PDE4D: variants seen among roughly 807,000 people sequenced by gnomAD.
PDE4D encodes the protein 3',5'-cyclic-AMP phosphodiesterase 4D.
Under a neutral mutation model 87.4 loss-of-function variants are expected in PDE4D, and 24 were observed. The ratio of observed to expected loss-of-function variants is 0.27; its 90% CI spans 0.20 to 0.39. The LOEUF is 0.39. PDE4D is among the 10% of genes least tolerant of loss of function. The pLI is 1.00. For missense variants in PDE4D, 714 were observed against 1,041.0 expected (o/e 0.69, Z 4.32); for synonymous variants, 384 against 383.2 (o/e 1.00, Z -0.02).
chr5:59,408,226 A>G (rs1276881529), intron 1 of PDE4D, among the ~76,000 whole-genome samples: 1 of 152,224 alleles, frequency 6.6e-6, no homozygotes, highest in African/African-American at 2.4e-5. Flanking sequence ...TGCTCCTTGC[A>G]TCATGGTCCA....
At chr5:60,283,247 A>G (rs1752109974) in intron 1 of PDE4D, among the ~76,000 whole-genome samples, 1 of 152,138 alleles carries the variant, frequency 6.6e-6, no homozygotes, top group African/African-American at 2.4e-5. Context: ...TATTAGAAGT[A>G]TTGCCCATCT....
chr5:59,931,406 C>G (rs1187818471), intron 3 of PDE4D, among the ~76,000 whole-genome samples: 1 of 152,158 alleles, frequency 6.6e-6, no homozygotes, highest in African/African-American at 2.4e-5. Context: ...ATACCTGAAA[C>G]TTTCTTACAG....
At chr5:60,187,543 A>G (rs554576596) in intron 1 of PDE4D, among the ~76,000 whole-genome samples, 4 of 152,342 alleles carry the variant, frequency 2.6e-5, no homozygotes, top group East Asian at 1.9e-4. Flanking sequence ...TAGTGACTCA[A>G]TGGTAACAAA....
chr5:60,418,694 G>A (rs1314049267), intron 1 of PDE4D, among the ~76,000 whole-genome samples: 1 of 151,968 alleles, frequency 6.6e-6, no homozygotes, highest in African/African-American at 2.4e-5. Context: ...AGAGAATGGA[G>A]TATCCATTCC....
intron 5 of PDE4D, among the ~76,000 whole-genome samples, chr5:59,098,253 A>G (rs897908540): frequency 6.6e-6 from 1 of 152,234 alleles, no homozygotes; most frequent in Non-Finnish European, 1.5e-5. Flanking sequence ...TTCCCAAGCT[A>G]GTTGGTAAGC....
chr5:60,373,250 G>A (rs374579257), intron 1 of PDE4D, among the ~76,000 whole-genome samples: 27 of 152,198 alleles, frequency 1.8e-4, no homozygotes, highest in African/African-American at 5.3e-4. Flanking sequence ...TTCAAAATGC[G>A]GGCATCTTTT....
At chr5:60,412,374 C>A (rs1411787647) in intron 1 of PDE4D, among the ~76,000 whole-genome samples, 2 of 152,078 alleles carry the variant, frequency 1.3e-5, no homozygotes. Flanking sequence ...ATAGAAAAAC[C>A]AGTCAATATC....
At chr5:59,620,638 G>T (rs1830242820) in intron 1 of PDE4D, among the ~76,000 whole-genome samples, 2 of 152,068 alleles carry the variant, frequency 1.3e-5, no homozygotes, top group Admixed American at 6.6e-5. Context: ...AGGGTGATTT[G>T]GTGGCTATAA....
At position 59,596,081 on chromosome 5, in the gene PDE4D, C is replaced by G. The variant is rs57903017; in HGVS notation, c.455+297087G>C. Among the ~76,000 whole-genome samples, 5 of 151,612 alleles carry G rather than the reference C, an allele frequency of 3.3e-5. No individual in the cohort carries two copies. In the South Asian group the frequency reaches 1.0e-3, roughly 31 times the overall value. On this transcript the variant is annotated intron_variant, in intron 1 of 14. Coordinates refer to ENST00000340635, the MANE Select transcript of PDE4D (RefSeq NM_001104631.2). ...AAGCTGGAAGAGGCTGCATCAGAGG[C>G]TGCAGGTAAAATGCCATTTAAAATC...
rs1311368606 is a variant in PDE4D at position 59,357,923 on chromosome 5, C to A, written c.456-141955G>T. Among the ~76,000 whole-genome samples the A allele has an allele frequency of 5.9e-5, 9 of 152,260 alleles. No homozygotes were observed. In the East Asian group the frequency reaches 1.5e-3, roughly 26 times the overall value. On this transcript the variant is annotated intron_variant, in intron 1 of 14. Transcript: ENST00000340635. ...AAACCAAGGGAGAGCGCCACTTCTT[C>A]AGGATAAGATTAGAGAGGCTTCAAG... is the stretch of plus-strand genomic sequence containing the variant.
intron 1 of PDE4D, among the ~76,000 whole-genome samples, chr5:60,317,370 T>C (rs962050317): frequency 6.6e-6 from 1 of 152,206 alleles, no homozygotes; most frequent in Non-Finnish European, 1.5e-5. Flanking sequence ...TATTTGATTC[T>C]TCTCTCTTTT....
chr5:59,453,284 C>A (rs942961464), intron 1 of PDE4D, among the ~76,000 whole-genome samples: 2 of 152,118 alleles, frequency 1.3e-5, no homozygotes, highest in Admixed American at 6.5e-5. Flanking sequence ...ATCCCTGAGA[C>A]ACAGCAATAT....
intron 5 of PDE4D, among the ~76,000 whole-genome samples, chr5:59,110,099 A>G (rs1268239475): frequency 2.0e-5 from 3 of 152,184 alleles, no homozygotes; most frequent in Admixed American, 6.5e-5. Context: ...AATCCATGTT[A>G]TGTACTATTT....
chr5:59,657,708 G>T (rs751976704), intron 1 of PDE4D, among the ~76,000 whole-genome samples: 1 of 151,962 alleles, frequency 6.6e-6, no homozygotes, highest in Non-Finnish European at 1.5e-5. Context: ...CAATAAAATC[G>T]CAATTCTTCT....
rs115336980 is a variant in PDE4D at position 59,384,366 on chromosome 5, G to A, written c.456-168398C>T. 3.7e-3 allele frequency among the ~76,000 whole-genome samples: 570 copies of A among 152,222 alleles called. 5 individuals carry two copies. The highest frequency in any genetic ancestry group is 0.013 in the African/African-American group (528 of 41,542). ...CCACGTGACTAATTCTGGCCAATCA[G>A]CAGCCAAGCGTTGATTCGCTGGTGT... On this transcript the variant is annotated intron_variant, in intron 1 of 14. Coordinates refer to ENST00000340635, the MANE Select transcript of PDE4D (RefSeq NM_001104631.2).
intron 1 of PDE4D, among the ~76,000 whole-genome samples, chr5:59,550,255 G>A (rs1212465217): frequency 6.6e-6 from 1 of 151,706 alleles, no homozygotes; most frequent in African/African-American, 2.4e-5. Context: ...AACATATCAA[G>A]GTATATTGTG....
At chr5:60,386,092 G>T (rs1762173261) in intron 1 of PDE4D, among the ~76,000 whole-genome samples, 1 of 152,050 alleles carries the variant, frequency 6.6e-6, no homozygotes, top group Non-Finnish European at 1.5e-5. Flanking sequence ...AATAATTCCT[G>T]AGTTATATAT....
At chr5:59,522,381 C>T (rs1456688435) in intron 1 of PDE4D, among the ~76,000 whole-genome samples, 2 of 152,216 alleles carry the variant, frequency 1.3e-5, no homozygotes, top group African/African-American at 4.8e-5. Flanking sequence ...AAACCCAAGA[C>T]TTAGAGACAG....
intron 2 of PDE4D, among the ~76,000 whole-genome samples, chr5:60,023,679 A>T (rs1289007738): frequency 6.6e-6 from 1 of 152,108 alleles, no homozygotes; most frequent in Non-Finnish European, 1.5e-5. Context: ...TGCTTCTCAC[A>T]CTAGTTGCAT....
Sources: allele counts gnomAD v4.1 joint callset (sites outside exome capture counted in the v4.1 genomes callset), GRCh38; gene constraint gnomAD v4.1.1; transcripts MANE v1.5; gene names NCBI Gene and HGNC (gene_info 2026-07-23, HGNC 2026-07-21).